GREB1L: variants seen among roughly 807,000 people sequenced by gnomAD.
The protein encoded by GREB1L is GREB1-like protein.
In GREB1L, 17 loss-of-function variants were observed where a neutral mutation model predicts 200.8. The ratio of observed to expected loss-of-function variants is 0.08; its 90% CI spans 0.06 to 0.13. The LOEUF is 0.13. Among genes scored for constraint, GREB1L ranks in the 10% least tolerant of loss-of-function variants. The pLI, the probability that GREB1L is intolerant of heterozygous loss-of-function variation, is 1.00. For synonymous variants in GREB1L, 789 were observed against 893.0 expected (o/e 0.88, Z 2.08); for missense variants, 1,657 against 2,367.7 (o/e 0.70, Z 6.23).
At chr18:21,248,434 G>A (rs887931480) in intron 1 of GREB1L, among the ~76,000 whole-genome samples, 4 of 152,202 alleles carry the variant, frequency 2.6e-5, no homozygotes, top group African/African-American at 9.6e-5. Context: ...CAACCCCTGA[G>A]TTAAATAATA....
At chr18:21,412,847 C>A (rs977730321) in intron 7 of GREB1L, among the ~76,000 whole-genome samples, 1 of 152,098 alleles carries the variant, frequency 6.6e-6, no homozygotes, top group East Asian at 1.9e-4. Flanking sequence ...TACCACCCCC[C>A]CCCACCACCA....
At chr18:21,278,438 A>C (rs2038213475) in intron 1 of GREB1L, among the ~76,000 whole-genome samples, 1 of 150,548 alleles carries the variant, frequency 6.6e-6, no homozygotes, top group Admixed American at 6.6e-5. Context: ...ATAAAGTTAC[A>C]ACAGCATCCT....
intron 6 of GREB1L, among the ~76,000 whole-genome samples, chr18:21,402,948 TA>T: frequency 6.6e-6 from 1 of 151,676 alleles, no homozygotes; most frequent in East Asian, 1.9e-4. Flanking sequence ...TCAATATACA[TA>T]TATGCGTATA....
intron 4 of GREB1L, among the ~76,000 whole-genome samples, chr18:21,391,231 T>C: frequency 6.6e-6 from 1 of 152,354 alleles, no homozygotes; most frequent in South Asian, 2.1e-4. Flanking sequence ...ATCTTTTATA[T>C]CGTATTTTCA....
chr18:21,323,237 G>A (rs1309819029), intron 1 of GREB1L, among the ~76,000 whole-genome samples: 8 of 152,048 alleles, frequency 5.3e-5, no homozygotes, highest in Non-Finnish European at 8.8e-5. Context: ...GCAGTGAGCC[G>A]AGATTGCACC....
At chr18:21,443,978 C>T (rs778245632) in intron 10 of GREB1L, among the ~76,000 whole-genome samples, 2 of 152,322 alleles carry the variant, frequency 1.3e-5, no homozygotes, top group Non-Finnish European at 1.5e-5. Context: ...GTTGATTGAA[C>T]GTGGAACCCA....
At chr18:21,483,050 C>T (rs2035983770) in intron 17 of GREB1L, among the ~76,000 whole-genome samples, 1 of 152,196 alleles carries the variant, frequency 6.6e-6, no homozygotes, top group Non-Finnish European at 1.5e-5. Context: ...AAACCATTCA[C>T]TTCTAATTCT....
Position 21,395,486 on chromosome 18 carries a change from C to T in GREB1L, c.457C>T (p.Leu153=). The part of the protein sequence containing the change: ...FLLVGAKSPN[L]PEHILVCAVD... Reference sequence around the variant, plus strand: ...CCTGGTGGGGGCCAAGTCTCCCAATCTGCCTGAACACATCCTAGTTTGTGC... The same window carrying T: ...CCTGGTGGGGGCCAAGTCTCCCAATTTGCCTGAACACATCCTAGTTTGTGC... The change falls in exon 5 of 33, where the codon CTG becomes TTG. Residue 153 remains leucine, a synonymous_variant. Coordinates refer to ENST00000424526, the MANE Select transcript of GREB1L (RefSeq NM_001142966.3). 1.9e-6 allele frequency: 3 copies of T among 1,551,302 alleles called. No homozygotes were observed. Among genetic ancestry groups the T allele is most frequent in the Non-Finnish European group, 2.6e-6 (3 of 1,146,632 alleles).
intron 1 of GREB1L, among the ~76,000 whole-genome samples, chr18:21,253,869 CTG>C (rs2037755298): frequency 9.8e-6 from 1 of 102,400 alleles, no homozygotes; most frequent in African/African-American, 4.4e-5. Context: ...TAGGATCTTT[CTG>C]TGTCACCTAG....
At chr18:21,364,167 A>G (rs2039623018) in intron 1 of GREB1L, among the ~76,000 whole-genome samples, 1 of 152,198 alleles carries the variant, frequency 6.6e-6, no homozygotes, top group Non-Finnish European at 1.5e-5. Context: ...ATTGTTTACT[A>G]AATGCTTTTT....
intron 1 of GREB1L, among the ~76,000 whole-genome samples, chr18:21,328,646 C>T (rs1215610672): frequency 1.3e-5 from 2 of 152,078 alleles, no homozygotes; most frequent in Admixed American, 1.3e-4. Context: ...AAGGCTGATG[C>T]ATCTGATACG....
intron 1 of GREB1L, among the ~76,000 whole-genome samples, chr18:21,309,274 C>T (rs1260550736): frequency 2.0e-5 from 3 of 152,208 alleles, no homozygotes; most frequent in Non-Finnish European, 4.4e-5. Flanking sequence ...CTTTTCCCTA[C>T]ATGGCTGTCA....
intron 7 of GREB1L, among the ~76,000 whole-genome samples, chr18:21,426,609 A>C (rs181378877): frequency 6.6e-6 from 1 of 152,152 alleles, no homozygotes; most frequent in South Asian, 2.1e-4. Context: ...GTAGCTTTGT[A>C]TGAAATTCTG....
At chr18:21,381,178 C>T (rs1005722174) in intron 2 of GREB1L, among the ~76,000 whole-genome samples, 5 of 150,904 alleles carry the variant, frequency 3.3e-5, no homozygotes, top group Non-Finnish European at 5.9e-5. Context: ...GGAGGCAGAG[C>T]TTGCAGTGAG....
chr18:21,491,712 CA>C lies in GREB1L; in HGVS notation c.3030+1376del, dbSNP rs35381989. ...TGGGCGACAGAGCGAGACTCTGTCTCAAAAAAAAAAAAAAATTGTTCTGGAG... is the reference window on the plus strand; with the variant it reads ...TGGGCGACAGAGCGAGACTCTGTCTCAAAAAAAAAAAAAATTGTTCTGGAG... On this transcript the variant is annotated intron_variant, in intron 19 of 32. Transcript: ENST00000424526. Among the ~76,000 whole-genome samples the C allele has an allele frequency of 2.6e-3, 328 of 123,778 alleles. 1 individual carries two copies. Among genetic ancestry groups the C allele is most frequent in the Middle Eastern group, 4.9e-3 (1 of 206 alleles). The allele number at this position is 123,778 out of a possible 152,430, so 81.2% of individuals were successfully genotyped here.
chr18:21,387,886 A>G (rs567692574), intron 4 of GREB1L, among the ~76,000 whole-genome samples: 1 of 152,276 alleles, frequency 6.6e-6, no homozygotes, highest in Non-Finnish European at 1.5e-5. Context: ...ATCTGAAAAA[A>G]CTAAATTAAA....
chr18:21,411,332 G>A (rs533484100), intron 7 of GREB1L, among the ~76,000 whole-genome samples: 13 of 151,938 alleles, frequency 8.6e-5, no homozygotes, highest in South Asian at 6.2e-4. Context: ...TCAGCCTCCC[G>A]AGTAGCTGGG....
intron 1 of GREB1L, among the ~76,000 whole-genome samples, chr18:21,248,966 A>G (rs1451771527): frequency 1.3e-5 from 2 of 152,256 alleles, no homozygotes; most frequent in African/African-American, 4.8e-5. Context: ...TTTGTTAGAA[A>G]AAAACAATTA....
intron 2 of GREB1L, among the ~76,000 whole-genome samples, chr18:21,368,367 G>A (rs554082019): frequency 2.0e-5 from 3 of 152,252 alleles, no homozygotes; most frequent in Admixed American, 1.3e-4. Context: ...TGACAAATAC[G>A]ATTAGCAATG....
Sources: allele counts gnomAD v4.1 joint callset (sites outside exome capture counted in the v4.1 genomes callset), GRCh38; gene constraint gnomAD v4.1.1; transcripts MANE v1.5; gene names NCBI Gene and HGNC (gene_info 2026-07-23, HGNC 2026-07-21).